AHCYL2: variants seen among roughly 807,000 people sequenced by gnomAD.
The protein encoded by AHCYL2 is S-adenosylhomocysteine hydrolase-like protein 2.
Under a neutral mutation model 81.4 loss-of-function variants are expected in AHCYL2, and 28 were observed. The ratio of observed to expected loss-of-function variants is 0.34; its 90% CI spans 0.25 to 0.47. AHCYL2 has a LOEUF of 0.47. Ranked by LOEUF, AHCYL2 falls within the 20% of genes least tolerant of loss-of-function variation. The pLI, the probability that AHCYL2 is intolerant of heterozygous loss-of-function variation, is 1.00. For missense variants in AHCYL2, 551 were observed against 785.1 expected (o/e 0.70, Z 3.56); for synonymous variants, 272 against 290.2 (o/e 0.94, Z 0.64).
rs1344430469 is a variant in AHCYL2 at position 129,405,140 on chromosome 7, A to T, written c.1069A>T (p.Met357Leu). Residue 357 changes from methionine (M) to leucine (L), a missense_variant, in exon 8 of 17, where the codon ATG becomes TTG. Transcript: ENST00000325006. ...AGCTGGGAAGCTGTGTGTTCCAGCC[A>T]TGAATGTCAATGACTCAGTCACCAA... ...SKAGKLCVPAMNVNDSVTKQK... is the reference protein window; with the variant it reads ...SKAGKLCVPALNVNDSVTKQK... The T allele has an allele frequency of 2.5e-6, 4 of 1,605,954 alleles. No individual in the cohort carries two copies. Among genetic ancestry groups the T allele is most frequent in the Non-Finnish European group, 3.4e-6 (4 of 1,176,552 alleles).
intron 1 of AHCYL2, among the ~76,000 whole-genome samples, chr7:129,278,078 A>G (rs1287197643): frequency 6.6e-6 from 1 of 152,148 alleles, no homozygotes; most frequent in Non-Finnish European, 1.5e-5. Context: ...AACATTTGGT[A>G]TGGTCAGTCT....
chr7:129,389,371 A>G (rs1795354930), intron 3 of AHCYL2, among the ~76,000 whole-genome samples, 172 bp downstream of exon 3: 1 of 139,984 alleles, frequency 7.1e-6, no homozygotes, highest in African/African-American at 2.8e-5. Flanking sequence ...CAAGTCTAGA[A>G]GGAACCCTGT....
At chr7:129,318,252 A>G (rs1293908813) in intron 1 of AHCYL2, among the ~76,000 whole-genome samples, 1 of 152,212 alleles carries the variant, frequency 6.6e-6, no homozygotes, top group Non-Finnish European at 1.5e-5. Context: ...ACTTCTATCA[A>G]ACAAATTTTG....
chr7:129,313,525 C>T (rs755806245), intron 1 of AHCYL2, among the ~76,000 whole-genome samples: 10 of 152,122 alleles, frequency 6.6e-5, no homozygotes, highest in Non-Finnish European at 1.3e-4. Flanking sequence ...GTGTTTTTTG[C>T]TGTGTAGTTT....
At chr7:129,231,114 T>C (rs1794420640) in intron 1 of AHCYL2, among the ~76,000 whole-genome samples, 1 of 151,842 alleles carries the variant, frequency 6.6e-6, no homozygotes, top group African/African-American at 2.4e-5. Flanking sequence ...CTCCTACAGT[T>C]CCAGCTACTC....
At chr7:129,383,551 A>G (rs1388015474) in intron 2 of AHCYL2, among the ~76,000 whole-genome samples, 1 of 152,096 alleles carries the variant, frequency 6.6e-6, no homozygotes, top group African/African-American at 2.4e-5. Flanking sequence ...CTACAGCCAA[A>G]TGTATTCTTT....
intron 3 of AHCYL2, among the ~76,000 whole-genome samples, 185 bp downstream of exon 3, chr7:129,389,384 TAA>T (rs11389356): frequency 4.0e-4 from 50 of 124,926 alleles, no homozygotes; most frequent in Non-Finnish European, 4.3e-4. Context: ...AACCCTGTAT[TAA>T]AAAAAAAAAA....
chr7:129,384,853 C>T (rs1795132631), intron 2 of AHCYL2, among the ~76,000 whole-genome samples: 1 of 152,178 alleles, frequency 6.6e-6, no homozygotes. Flanking sequence ...ACAATGGATG[C>T]TTCAAGGCAT....
At chr7:129,262,090 T>C (rs1171850348) in intron 1 of AHCYL2, among the ~76,000 whole-genome samples, 2 of 152,244 alleles carry the variant, frequency 1.3e-5, no homozygotes, top group African/African-American at 4.8e-5. Context: ...TATTCTATTA[T>C]GTGCCAGGCA....
intron 1 of AHCYL2, among the ~76,000 whole-genome samples, chr7:129,273,321 CT>C (rs35236990): frequency 2.6e-4 from 20 of 75,890 alleles, no homozygotes; most frequent in African/African-American, 9.2e-4. Context: ...TTTGCTAAGA[CT>C]TTTTTTTTTT....
intron 12 of AHCYL2, among the ~76,000 whole-genome samples, chr7:129,418,559 G>A (rs762660354): frequency 6.6e-6 from 1 of 151,998 alleles, no homozygotes; most frequent in Admixed American, 6.6e-5. Flanking sequence ...TCGGCCTCCC[G>A]AAATGCTGGG....
rs186565775 is a variant in AHCYL2 at position 129,353,305 on chromosome 7, C to G, written c.364-26333C>G. Among the ~76,000 whole-genome samples, 282 of 152,216 alleles carry G rather than the reference C, an allele frequency of 1.9e-3. 5 individuals are homozygous for G. Among genetic ancestry groups the G allele is most frequent in the Non-Finnish European group, 1.2e-3 (81 of 67,998 alleles). ...CATTCTCCCTTTCATTCACTAAATT[C>G]CAGCCACACAAGTAATCTTTCTATT... is the stretch of plus-strand genomic sequence containing the variant. On this transcript the variant is annotated intron_variant, in intron 1 of 16. Coordinates refer to ENST00000325006, the MANE Select transcript of AHCYL2 (RefSeq NM_015328.4).
intron 1 of AHCYL2, among the ~76,000 whole-genome samples, chr7:129,351,024 A>G (rs544156967): frequency 2.6e-5 from 4 of 152,192 alleles, no homozygotes; most frequent in South Asian, 4.1e-4. Flanking sequence ...TTCTTTTTTA[A>G]AAGCAAACAA....
intron 1 of AHCYL2, among the ~76,000 whole-genome samples, chr7:129,319,464 AAAAAG>A (rs1170848549): frequency 2.0e-5 from 3 of 152,126 alleles, no homozygotes; most frequent in Non-Finnish European, 2.9e-5. Context: ...AAAAAAAAGA[AAAAAG>A]AAAATAATCA....
At chr7:129,295,999 A>C (rs554164238) in intron 1 of AHCYL2, among the ~76,000 whole-genome samples, 2 of 152,174 alleles carry the variant, frequency 1.3e-5, no homozygotes, top group African/African-American at 4.8e-5. Context: ...ATTTTGGATA[A>C]ATATATAGCT....
chr7:129,333,803 A>G (rs2150806393), intron 1 of AHCYL2, among the ~76,000 whole-genome samples: 1 of 152,356 alleles, frequency 6.6e-6, no homozygotes, highest in Non-Finnish European at 1.5e-5. Flanking sequence ...TAATAATCTT[A>G]AGTTTCTCAC....
Position 129,405,882 on chromosome 7 carries a change from G to A in AHCYL2, c.1189G>A (p.Val397Ile). Residue 397 changes from valine to isoleucine, a missense_variant, in exon 9 of 17, where the codon GTC becomes ATC. Physicochemically the swap from Val to Ile is conservative, Grantham distance 29 (BLOSUM62 3). Transcript: ENST00000325006. Reference protein sequence around the residue: ...DMMFGGKQVVVCGYGEVGKGC... With the variant: ...DMMFGGKQVVICGYGEVGKGC... Reference sequence around the variant, plus strand: ...GATGTTTGGTGGAAAGCAAGTGGTAGTCTGTGGCTATGGAGAGGTGAAGTT... The same window carrying A: ...GATGTTTGGTGGAAAGCAAGTGGTAATCTGTGGCTATGGAGAGGTGAAGTT... 1 of 1,613,700 alleles carries A rather than the reference G, an allele frequency of 6.2e-7. No individual in the cohort carries two copies. The highest frequency in any genetic ancestry group is 8.5e-7 in the Non-Finnish European group (1 of 1,179,808).
chr7:129,409,665 C>T (rs1044377136), intron 11 of AHCYL2, 119 bp downstream of exon 11: 4 of 818,768 alleles, frequency 4.9e-6, no homozygotes, highest in Non-Finnish European at 5.8e-6. Context: ...GATAGTAGCC[C>T]ACAAAGCCAG....
intron 2 of AHCYL2, 25 bp from the exon 3 acceptor site, chr7:129,389,031 A>T: frequency 6.3e-7 from 1 of 1,581,452 alleles, no homozygotes; most frequent in Admixed American, 2.0e-5. Flanking sequence ...TTTTTTTCCG[A>T]GTGTTTTTTA....
Sources: allele counts gnomAD v4.1 joint callset (sites outside exome capture counted in the v4.1 genomes callset), GRCh38; gene constraint gnomAD v4.1.1; transcripts MANE v1.5; gene names NCBI Gene and HGNC (gene_info 2026-07-23, HGNC 2026-07-21).